VNN1: variants seen among roughly 807,000 people sequenced by gnomAD.
VNN1 encodes the protein vanin 1, also known as pantetheinase.
In VNN1, 29 loss-of-function variants were observed where a neutral mutation model predicts 41.9. That is an observed-to-expected ratio of 0.69 (90% CI 0.52 to 0.94). VNN1 has a LOEUF of 0.94. Among genes scored for constraint, VNN1 ranks in the 40% least tolerant of loss-of-function variants. The pLI is 0.00. For synonymous variants in VNN1, 233 were observed against 224.4 expected (o/e 1.04, Z -0.34); for missense variants, 637 against 621.1 (o/e 1.03, Z -0.27).
At chr6:132,686,884 C>T (rs1299851867) in intron 5 of VNN1, among the ~76,000 whole-genome samples, 2 of 151,794 alleles carry the variant, frequency 1.3e-5, no homozygotes, top group Non-Finnish European at 2.9e-5. Flanking sequence ...TGTTGAAACT[C>T]CGAAGACAAG....
At chr6:132,700,350 T>C (rs1275101318) in intron 2 of VNN1, among the ~76,000 whole-genome samples, 2 of 152,182 alleles carry the variant, frequency 1.3e-5, no homozygotes, top group Non-Finnish European at 2.9e-5. Context: ...CCAAACCCTC[T>C]AGAGCTCTGC....
Position 132,692,578 on chromosome 6 carries a change from C to T in VNN1, c.833G>A (p.Gly278Asp), listed in dbSNP as rs773578405. Residue 278 changes from glycine to aspartate, a missense_variant, in exon 5 of 7, where the codon GGC becomes GAC. Coordinates refer to ENST00000367928, the MANE Select transcript of VNN1 (RefSeq NM_004666.3). ...HYPSKKMTGS[G>D]IYAPNSSRAF... ...TCTTGAAGAATTGGGTGCATAGATG[C>T]CACTTCCTGGAAGTAATAAGTTGAA... 10 of 1,565,870 alleles carry T rather than the reference C, an allele frequency of 6.4e-6. No individual in the cohort carries two copies. Among genetic ancestry groups the T allele is most frequent in the Middle Eastern group, 1.7e-4 (1 of 5,900 alleles).
chr6:132,712,728 C>A (rs1234746565), intron 1 of VNN1, among the ~76,000 whole-genome samples: 1 of 152,188 alleles, frequency 6.6e-6, no homozygotes, highest in African/African-American at 2.4e-5. Context: ...CTAACCTGGG[C>A]ACCTTCCAAT....
intron 2 of VNN1, among the ~76,000 whole-genome samples, chr6:132,702,632 G>A (rs1276836625): frequency 6.6e-6 from 1 of 152,170 alleles, no homozygotes; most frequent in Non-Finnish European, 1.5e-5. Flanking sequence ...TAAGAAAGGA[G>A]ACAGGAGCAT....
chr6:132,706,595 G>A (rs914094100), intron 2 of VNN1, among the ~76,000 whole-genome samples: 2 of 152,224 alleles, frequency 1.3e-5, no homozygotes, highest in South Asian at 4.2e-4. Context: ...CATTGGTCTG[G>A]ACAAAGATTT....
At position 132,680,880 on chromosome 6, in the gene VNN1, T is replaced by G. The variant is rs1442557221; in HGVS notation, c.*2260A>C. Among the ~76,000 whole-genome samples, 1 of 152,212 alleles carries G rather than the reference T, an allele frequency of 6.6e-6. No homozygotes were observed. The highest frequency in any genetic ancestry group is 1.5e-5 in the Non-Finnish European group (1 of 68,040). On this transcript the variant is annotated 3_prime_UTR_variant, in exon 7 of 7. Coordinates refer to ENST00000367928, the MANE Select transcript of VNN1 (RefSeq NM_004666.3). ...TTATTAGATTATTTAATTTAATTAT[T>G]CAATGTATAGAAAGTTTTTTAGTGT...
intron 2 of VNN1, among the ~76,000 whole-genome samples, chr6:132,703,501 G>C (rs1778476389): frequency 6.6e-6 from 1 of 151,918 alleles, no homozygotes; most frequent in African/African-American, 2.4e-5. Flanking sequence ...TTAAAATAAT[G>C]AACTATAAGT....
chr6:132,687,263 C>T (rs1383281189), intron 5 of VNN1, among the ~76,000 whole-genome samples: 1 of 152,162 alleles, frequency 6.6e-6, no homozygotes, highest in East Asian at 1.9e-4. Flanking sequence ...TCATAACCAC[C>T]TTTGAATTCC....
chr6:132,681,738 C>T lies in VNN1; in HGVS notation c.*1402G>A, dbSNP rs1252052500. On this transcript the variant is annotated 3_prime_UTR_variant, in exon 7 of 7. Coordinates refer to ENST00000367928, the MANE Select transcript of VNN1 (RefSeq NM_004666.3). ...TGGGCTTTCTTATTTTCTATTAGGT[C>T]TTGAAAAAAAGCAAATGTCAGTTAA... 1.3e-5 allele frequency: 2 copies of T among 152,402 alleles called. No homozygotes were observed. Among genetic ancestry groups the T allele is most frequent in the Non-Finnish European group, 2.9e-5 (2 of 67,992 alleles). 9.4% of individuals were successfully genotyped at this position (152,402 alleles called of 1,614,324 possible). A position where few individuals can be genotyped will look rare whatever the true frequency, so the allele number is the denominator to read the frequency against.
chr6:132,692,325 G>A lies in VNN1; in HGVS notation c.1086C>T (p.Cys362=), dbSNP rs979109954. ...CAGACATTTTGTAGCTTAAATGACA[G>A]CAGAGATCTTTCTGACAAACTGTAT... ...GNYTVCQKDL[C]CHLSYKMSEN... The change falls in exon 5 of 7, where the codon TGC becomes TGT. Residue 362 remains cysteine, a synonymous_variant. Transcript: ENST00000367928. The A allele has an allele frequency of 1.2e-6, 2 of 1,614,060 alleles. No individual in the cohort carries two copies. Among genetic ancestry groups the A allele is most frequent in the Non-Finnish European group, 1.7e-6 (2 of 1,180,030 alleles).
chr6:132,685,056 T>A lies in VNN1; in HGVS notation c.1189-551A>T, dbSNP rs373077099. ...AATTTAGGCACCTGTGTAAATCATA[T>A]CTTATTGCCTGTTTCACACAATAAA... On this transcript the variant is annotated intron_variant, in intron 5 of 6. Coordinates refer to ENST00000367928, the MANE Select transcript of VNN1 (RefSeq NM_004666.3). Among the ~76,000 whole-genome samples the A allele has an allele frequency of 1.2e-4, 19 of 152,340 alleles. 2 individuals carry two copies. The highest frequency in any genetic ancestry group is 5.8e-4 in the East Asian group (3 of 5,192).
chr6:132,708,543 A>G (rs145069150), intron 2 of VNN1, among the ~76,000 whole-genome samples: 80 of 152,336 alleles, frequency 5.3e-4, no homozygotes, highest in African/African-American at 1.7e-3. Flanking sequence ...GCAATCAACT[A>G]TGTGCATACT....
Position 132,693,111 on chromosome 6 carries a change from C to T in VNN1, c.739G>A (p.Ala247Thr), listed in dbSNP as rs1778315792. The T allele has an allele frequency of 6.2e-7, 1 of 1,614,098 alleles. No homozygotes were observed. The highest frequency in any genetic ancestry group is 8.5e-7 in the Non-Finnish European group (1 of 1,180,010). The change falls in exon 4 of 7, where the codon GCT (alanine) becomes ACT (threonine). Residue 247 changes from alanine to threonine, a missense_variant. Ala to Thr is a moderately conservative substitution (Grantham distance 58). Transcript: ENST00000367928. ...AWMNVLPHLS[A>T]VEFHSAWAMG... Reference sequence around the variant, plus strand: ...GCCCAAGCTGAGTGGAATTCAACAGCTGACAAATGTGGCAAAACATTCATC... The same window carrying T: ...GCCCAAGCTGAGTGGAATTCAACAGTTGACAAATGTGGCAAAACATTCATC...
In VNN1 at chr6:132,711,777, A is replaced by T. The variant is rs1346397923; in HGVS notation, c.273T>A (p.Ser91=). 1 of 1,613,874 alleles carries T rather than the reference A, an allele frequency of 6.2e-7. No homozygotes were observed. Among genetic ancestry groups the T allele is most frequent in the Admixed American group, 1.7e-5 (1 of 59,978 alleles). ...GGATGTCCTCCAAATATGGGTAGAG[A>T]GAGTCCCTGTTGAAGTTCCAGCCAT... ...AIYGWNFNRD[S]LYPYLEDIPD... The change falls in exon 2 of 7, where the codon TCT becomes TCA. Residue 91 remains serine (S), a synonymous_variant. Transcript: ENST00000367928.
intron 5 of VNN1, among the ~76,000 whole-genome samples, chr6:132,690,709 T>C (rs1382052992): frequency 6.6e-6 from 1 of 152,232 alleles, no homozygotes; most frequent in Non-Finnish European, 1.5e-5. Context: ...TAGGCCTTCA[T>C]TTGCTAAAAC....
chr6:132,689,538 G>A (rs75644135), intron 5 of VNN1, among the ~76,000 whole-genome samples: 6,832 of 152,176 alleles, frequency 0.045, 343 homozygotes, highest in South Asian at 0.14. Flanking sequence ...TTTCCTCCAA[G>A]AGTCTCTACT....
In VNN1 at chr6:132,692,491, T is replaced by C. The variant is rs1288317008; in HGVS notation, c.920A>G (p.His307Arg). 1.2e-6 allele frequency: 2 copies of C among 1,613,824 alleles called. No individual in the cohort carries two copies. The highest frequency in any genetic ancestry group is 1.7e-6 in the Non-Finnish European group (2 of 1,180,002). Reference protein sequence around the residue: ...GKLLLSQLDSHPSHSAVVNWT... With the variant: ...GKLLLSQLDSRPSHSAVVNWT... ...GTTCACCACTGCAGAATGGGATGGG[T>C]GGGAATCCAGTTGCGAGAGGAGGAG... The change falls in exon 5 of 7, where the codon CAC (histidine) becomes CGC (arginine). Residue 307 changes from histidine to arginine, a missense_variant. Physicochemically the swap from His to Arg is conservative, Grantham distance 29. Coordinates refer to ENST00000367928, the MANE Select transcript of VNN1 (RefSeq NM_004666.3).
chr6:132,712,787 C>T (rs558308577), intron 1 of VNN1, among the ~76,000 whole-genome samples: 5 of 152,118 alleles, frequency 3.3e-5, no homozygotes, highest in Admixed American at 6.5e-5. Flanking sequence ...AATAGTTGGA[C>T]TAAGGATGAA....
At chr6:132,691,868 C>T (rs894306164) in intron 5 of VNN1, among the ~76,000 whole-genome samples, 1 of 151,976 alleles carries the variant, frequency 6.6e-6, no homozygotes, top group African/African-American at 2.4e-5. Flanking sequence ...ATTAGCCAGG[C>T]ATGGTGGCAC....
Sources: gnomAD v4.1 joint callset for allele counts (sites outside exome capture counted in the v4.1 genomes callset) on GRCh38, gnomAD v4.1.1 for gene constraint, MANE v1.5 for transcripts, NCBI Gene and HGNC (gene_info 2026-07-23, HGNC 2026-07-21) for gene names.